The following TNS1 variants were observed in gnomAD, a reference collection of about 807,000 sequenced individuals.
The protein encoded by TNS1 is tensin 1, also known as tensin-1.
In TNS1, 62 loss-of-function variants were observed where a neutral mutation model predicts 168.6. The observed-to-expected ratio is 0.37, with a 90% CI of 0.30 to 0.45. TNS1 has a LOEUF of 0.45. Ranked by LOEUF, TNS1 falls within the 20% of genes least tolerant of loss-of-function variation. The pLI, the probability that TNS1 is intolerant of heterozygous loss-of-function variation, is 1.00. For synonymous variants in TNS1, 934 were observed against 933.2 expected (o/e 1.00, Z -0.02); for missense variants, 2,240 against 2,339.4 (o/e 0.96, Z 0.88).
At chr2:218,012,723 T>G (rs563784500), upstream of TNS1, among the ~76,000 whole-genome samples, 1 of 152,292 alleles carries the variant, frequency 6.6e-6, no homozygotes, top group African/African-American at 2.4e-5. Context: ...TACTCTGTTC[T>G]GTTTTCGTCA....
Position 217,885,096 on chromosome 2 carries a change from G to T in TNS1, c.1185C>A (p.Thr395=). 2 of 1,614,248 alleles carry T rather than the reference G, an allele frequency of 1.2e-6. No individual in the cohort carries two copies. The highest frequency in any genetic ancestry group is 1.7e-6 in the Non-Finnish European group (2 of 1,180,042). ...RDVIFRVQFH[T]CAIHDLGVVF... is the part of the protein sequence containing the mutation. ...CAACCCCCAGGTCATGGATGGCACA[G>T]GTGTGGAACTGCACACGGAAGATGA... The change falls in exon 16 of 33, where the codon ACC becomes ACA. Residue 395 remains threonine, a synonymous_variant. Coordinates refer to ENST00000682258, the MANE Select transcript of TNS1 (RefSeq NM_001387777.1).
intron 18 of TNS1, among the ~76,000 whole-genome samples, chr2:217,877,901 C>A (rs982426722): frequency 1.3e-5 from 2 of 152,148 alleles, no homozygotes; most frequent in Admixed American, 6.5e-5. Context: ...CTCCCTGCCC[C>A]CCTCCTCCAA....
Position 217,895,068 on chromosome 2 carries a change from A to C in TNS1, c.544-12T>G, listed in dbSNP as rs1952141393. ...GAGAGGTTGAACAGCTAGAAGGAGC[A>C]AAAGGAAGAGAGCATGAGGAGGTGA... On this transcript the variant is annotated splice_polypyrimidine_tract_variant and intron_variant, in intron 8 of 32. Transcript: ENST00000682258. 6.2e-7 allele frequency: 1 copy of C among 1,608,522 alleles called. No homozygotes were observed. Among genetic ancestry groups the C allele is most frequent in the African/African-American group, 1.3e-5 (1 of 74,894 alleles).
At chr2:217,951,572 G>A (rs569171895) in intron 3 of TNS1, among the ~76,000 whole-genome samples, 1 of 152,122 alleles carries the variant, frequency 6.6e-6, no homozygotes, top group Admixed American at 6.5e-5. Flanking sequence ...GGGCCTCAGG[G>A]CCTGGCTGGA....
rs1958459666 is a variant in TNS1, at chr2:217,995,874, C to T, written c.34-4818G>A. ...CCCTCCAAGCCCAGAGCTCTAGCCC[C>T]CACCCTGCCACCAGCCCACCCAGCA... On this transcript the variant is annotated intron_variant, in intron 1 of 32. Coordinates refer to ENST00000682258, the MANE Select transcript of TNS1 (RefSeq NM_001387777.1). The surrounding 1 kb of genome is among the most constrained non-coding windows in gnomAD (Gnocchi z 4.1). Among the ~76,000 whole-genome samples, 1 of 152,208 alleles carries T rather than the reference C, an allele frequency of 6.6e-6. No individual in the cohort carries two copies. Among genetic ancestry groups the T allele is most frequent in the Admixed American group, 6.5e-5 (1 of 15,288 alleles).
chr2:217,828,318 A>G (rs1157350901), intron 22 of TNS1, among the ~76,000 whole-genome samples: 2 of 152,208 alleles, frequency 1.3e-5, no homozygotes, highest in African/African-American at 4.8e-5. Flanking sequence ...GGAAACTCCA[A>G]TCATCCTACC....
chr2:217,860,490 C>A (rs985732639), intron 18 of TNS1, among the ~76,000 whole-genome samples: 2 of 152,140 alleles, frequency 1.3e-5, no homozygotes, highest in African/African-American at 4.8e-5. Context: ...TATCCTCCTA[C>A]CTCCATAGAG....
At chr2:217,959,395 TCTTAGCATGGAAC>T (rs1256418990) in intron 3 of TNS1, among the ~76,000 whole-genome samples, 6 of 149,096 alleles carry the variant, frequency 4.0e-5, no homozygotes, top group East Asian at 2.0e-4. Context: ...GAACCTGGTG[TCTTAGCATGGAAC>T]CTTAGCATGG....
At chr2:217,837,678 C>T (rs1324319536) in intron 19 of TNS1, among the ~76,000 whole-genome samples, 5 of 152,236 alleles carry the variant, frequency 3.3e-5, no homozygotes, top group Non-Finnish European at 5.9e-5. Flanking sequence ...AAGAAAATAG[C>T]GCCCAGGATG....
intron 3 of TNS1, among the ~76,000 whole-genome samples, chr2:217,946,287 G>C (rs1321951964): frequency 6.6e-6 from 1 of 152,092 alleles, no homozygotes; most frequent in East Asian, 1.9e-4. Flanking sequence ...GCTCACTAAC[G>C]CCCTGACATG....
chr2:217,983,993 T>C lies in TNS1; in HGVS notation c.149-5191A>G, dbSNP rs1958125156. Among the ~76,000 whole-genome samples, 7 of 152,286 alleles carry C rather than the reference T, an allele frequency of 4.6e-5. No homozygotes were observed. In the South Asian group the frequency reaches 1.2e-3, roughly 27 times the overall value. On this transcript the variant is annotated intron_variant, in intron 2 of 32. Transcript: ENST00000682258. ...TATGAATAAAGCACATGACCCTCCA[T>C]AATTTAGGTGGGCCTCATCCAATCA...
chr2:217,888,862 C>A (rs919443945), intron 12 of TNS1, among the ~76,000 whole-genome samples: 1 of 152,166 alleles, frequency 6.6e-6, no homozygotes, highest in African/African-American at 2.4e-5. Flanking sequence ...ACTAATACAC[C>A]AGGGAATCCC....
chr2:218,014,398 A>T (rs1958738037), upstream of TNS1, among the ~76,000 whole-genome samples: 1 of 152,040 alleles, frequency 6.6e-6, no homozygotes, highest in Admixed American at 6.5e-5. Flanking sequence ...CCAACTTCCA[A>T]GCAGGTTCCC....
Position 217,848,961 on chromosome 2 carries a change from T to G in TNS1, c.1556A>C (p.Asn519Thr), listed in dbSNP as rs148316380. The G allele has an allele frequency of 4.5e-5, 73 of 1,613,868 alleles. No individual in the cohort carries two copies. Among genetic ancestry groups the G allele is most frequent in the Non-Finnish European group, 6.1e-5 (72 of 1,179,994 alleles). ...CACAGAAAGCGTGTGTTCCACGTGG[T>G]TGGGGGTGGCCGACAGTGTAGGACG... ...ATRPTLSATP[N>T]HVEHTLSVSS... Residue 519 changes from asparagine (N) to threonine (T), a missense_variant, in exon 19 of 33, where the codon AAC (asparagine) becomes ACC (threonine). By Grantham distance (65) the Asn-to-Thr change is moderately conservative. Transcript: ENST00000682258.
chr2:217,929,556 G>A (rs1273216369), intron 3 of TNS1, among the ~76,000 whole-genome samples: 5 of 152,102 alleles, frequency 3.3e-5, no homozygotes, highest in Non-Finnish European at 7.4e-5. Flanking sequence ...CAGAGGGCAC[G>A]GAGGGGCCCA....
chr2:217,813,574 C>T lies in TNS1; in HGVS notation c.4861+111G>A, dbSNP rs1941359616. On this transcript the variant is annotated intron_variant, in intron 26 of 32. Transcript: ENST00000682258. This position sits in a 1 kb window ranked among gnomAD's most constrained non-coding sequence, Gnocchi z 4.0. ...GCCCAAGACACCCTCTTCCGAAGAG[C>T]CTGATGGGAGTTAAGGTCCTGCCCA... is the stretch of plus-strand genomic sequence containing the variant. The T allele has an allele frequency of 1.6e-5, 23 of 1,457,890 alleles. No individual in the cohort carries two copies. Among genetic ancestry groups the T allele is most frequent in the Non-Finnish European group, 2.1e-5 (23 of 1,082,700 alleles). 90.3% of individuals were successfully genotyped at this position (1,457,890 alleles called of 1,614,324 possible).
chr2:217,906,292 A>AC, intron 6 of TNS1, 43 bp downstream of exon 6: 6 of 350,014 alleles, frequency 1.7e-5, no homozygotes, highest in Non-Finnish European at 2.8e-5. Flanking sequence ...CCCCCTGGCC[A>AC]CCAGGGCCCA....
intron 1 of TNS1, among the ~76,000 whole-genome samples, chr2:218,026,896 G>A (rs1958853213): frequency 6.6e-6 from 1 of 152,224 alleles, no homozygotes; most frequent in Non-Finnish European, 1.5e-5. Context: ...GTGAAACTGA[G>A]CCAAGAGGAC....
intron 3 of TNS1, among the ~76,000 whole-genome samples, chr2:217,956,631 T>C (rs1224072034): frequency 6.6e-6 from 1 of 152,044 alleles, no homozygotes; most frequent in Non-Finnish European, 1.5e-5. Flanking sequence ...TTCTAAAGTC[T>C]GTGGACACCC....
Sources: gnomAD v4.1 joint callset for allele counts (sites outside exome capture counted in the v4.1 genomes callset) on GRCh38, gnomAD v4.1.1 for gene constraint, Gnocchi (gnomAD v3.1) non-coding constraint, MANE v1.5 for transcripts, NCBI Gene and HGNC (gene_info 2026-07-23, HGNC 2026-07-21) for gene names.